ARHGAP21: variants seen among roughly 807,000 people sequenced by gnomAD.
ARHGAP21 encodes the protein Rho GTPase activating protein 21.
Under a neutral mutation model 164.6 loss-of-function variants are expected in ARHGAP21, and 38 were observed. The ratio of observed to expected loss-of-function variants is 0.23; its 90% CI spans 0.18 to 0.30. The LOEUF (loss-of-function observed/expected upper bound fraction) is 0.30. Ranked by LOEUF, ARHGAP21 falls within the 10% of genes least tolerant of loss-of-function variation. The probability of loss-of-function intolerance (pLI) is 1.00; values close to 1 mark genes in which losing one functional copy is unlikely to be tolerated. For synonymous variants in ARHGAP21, 766 were observed against 857.9 expected, an observed-to-expected ratio of 0.89 and a Z score of 1.87; for missense variants, 1,822 against 2,370.7, an observed-to-expected ratio of 0.77 and a Z score of 4.81.
chr10:24,587,201 C>CT (rs1421129887), intron 25 of ARHGAP21, among the ~76,000 whole-genome samples: 1 of 152,068 alleles, frequency 6.6e-6, no homozygotes, highest in African/African-American at 2.4e-5. Context: ...CCAGGCTGGT[C>CT]TAGAAGCCTT....
In ARHGAP21 at chr10:24,585,609, C is replaced by T. The variant is rs2076070724; in HGVS notation, c.4680G>A (p.Arg1560=). The change falls in exon 26 of 26, where the codon AGG becomes AGA. Residue 1560 remains arginine (R), a synonymous_variant. Transcript: ENST00000396432. The stretch of plus-strand genomic sequence containing the variant: ...GACTGGTTGATTTCTTCATGGAAAA[C>T]CTTGCCAGGGAGGCCTGGGAAGACG... ...LSTSSQASLA[R]FSMKKSTSPE... is the part of the protein sequence containing the mutation. 1 of 1,614,034 alleles carries T rather than the reference C, an allele frequency of 6.2e-7. No individual in the cohort carries two copies. Among genetic ancestry groups the T allele is most frequent in the Non-Finnish European group, 8.5e-7 (1 of 1,180,052 alleles).
chr10:24,625,871 G>A (rs1334401045), intron 7 of ARHGAP21, among the ~76,000 whole-genome samples: 3 of 152,308 alleles, frequency 2.0e-5, no homozygotes, highest in African/African-American at 4.8e-5. Context: ...AGAGGTTCAC[G>A]TTGTAATAAC....
intron 17 of ARHGAP21, chr10:24,596,298 G>A: frequency 2.3e-6 from 1 of 442,486 alleles, no homozygotes; most frequent in Non-Finnish European, 3.9e-6. Flanking sequence ...AGTAACAACA[G>A]GTAAAGAGAA....
intron 4 of ARHGAP21, chr10:24,640,021 A>G (rs1836827414): frequency 2.6e-5 from 4 of 152,132 alleles, no homozygotes. Flanking sequence ...TCACAGAGAA[A>G]CAGATCATGA....
chr10:24,677,463 C>T (rs1304702287), intron 2 of ARHGAP21, among the ~76,000 whole-genome samples: 1 of 152,142 alleles, frequency 6.6e-6, no homozygotes, highest in Admixed American at 6.5e-5. Flanking sequence ...GAACTGCTAA[C>T]TTTTTCCTCC....
At chr10:24,698,411 C>T (rs746938205) in intron 2 of ARHGAP21, among the ~76,000 whole-genome samples, 11 of 152,144 alleles carry the variant, frequency 7.2e-5, no homozygotes, top group Non-Finnish European at 1.2e-4. Context: ...CTTGCCTCTA[C>T]TCTCAAGCAA....
intron 9 of ARHGAP21, 40 bp downstream of exon 9, chr10:24,619,433 T>C (rs753935271): frequency 4.5e-5 from 69 of 1,542,792 alleles, no homozygotes; most frequent in Non-Finnish European, 5.7e-5. Context: ...AGATTTCTTA[T>C]ACATTTGGCA....
chr10:24,641,008 G>A (rs2131426627), intron 4 of ARHGAP21, among the ~76,000 whole-genome samples: 1 of 152,116 alleles, frequency 6.6e-6, no homozygotes, highest in Admixed American at 6.6e-5. Flanking sequence ...GTTATGAGGG[G>A]GTGGAGGTGA....
chr10:24,642,831 G>A (rs1486787129), intron 4 of ARHGAP21, among the ~76,000 whole-genome samples: 3 of 152,152 alleles, frequency 2.0e-5, no homozygotes, highest in Non-Finnish European at 2.9e-5. Context: ...ATATACGCAC[G>A]AGAATATACA....
intron 2 of ARHGAP21, among the ~76,000 whole-genome samples, chr10:24,696,455 G>T (rs1351190955): frequency 2.0e-5 from 3 of 152,186 alleles, no homozygotes; most frequent in African/African-American, 7.2e-5. Flanking sequence ...CAATGAGTGG[G>T]AAAAACCTCA....
At chr10:24,639,482 C>T (rs1425067824) in intron 4 of ARHGAP21, among the ~76,000 whole-genome samples, 1 of 151,932 alleles carries the variant, frequency 6.6e-6, no homozygotes, top group Non-Finnish European at 1.5e-5. Flanking sequence ...TTATGATAGA[C>T]CTGATTATAA....
intron 2 of ARHGAP21, among the ~76,000 whole-genome samples, chr10:24,704,014 T>A (rs560760607): frequency 1.3e-5 from 2 of 152,190 alleles, no homozygotes; most frequent in African/African-American, 2.4e-5. Context: ...AAATTCAAAT[T>A]TTCAGCTTCT....
chr10:24,691,855 T>C (rs1204111027), intron 2 of ARHGAP21, among the ~76,000 whole-genome samples: 1 of 152,200 alleles, frequency 6.6e-6, no homozygotes, highest in Non-Finnish European at 1.5e-5. Context: ...GGGCAAACTG[T>C]TATGATTTTT....
At chr10:24,680,234 A>C (rs1427534411) in intron 2 of ARHGAP21, among the ~76,000 whole-genome samples, 1 of 151,970 alleles carries the variant, frequency 6.6e-6, no homozygotes, top group African/African-American at 2.4e-5. Context: ...TTTATTTCAT[A>C]ATCTACATAT....
At chr10:24,699,893 A>G (rs926458778) in intron 2 of ARHGAP21, among the ~76,000 whole-genome samples, 6 of 152,172 alleles carry the variant, frequency 3.9e-5, no homozygotes, top group Admixed American at 3.3e-4. Flanking sequence ...AATATTACCT[A>G]TTCTTCATCA....
intron 2 of ARHGAP21, among the ~76,000 whole-genome samples, chr10:24,690,055 T>C (rs1486209909): frequency 6.6e-6 from 1 of 151,942 alleles, no homozygotes; most frequent in Non-Finnish European, 1.5e-5. Context: ...TCTTTCCATA[T>C]CAATTACATA....
At chr10:24,589,172 C>T (rs1170994243) in intron 25 of ARHGAP21, 99 bp downstream of exon 25, 4 of 1,011,110 alleles carry the variant, frequency 4.0e-6, no homozygotes, top group Non-Finnish European at 6.2e-6. Context: ...TGCTCTGTCT[C>T]ATTAGACATA....
intron 2 of ARHGAP21, among the ~76,000 whole-genome samples, chr10:24,695,543 T>A: frequency 6.7e-6 from 1 of 149,368 alleles, no homozygotes; most frequent in East Asian, 2.0e-4. Flanking sequence ...CATTCCAGCC[T>A]GGGTGATGGA....
chr10:24,625,738 C>A (rs192977892), intron 7 of ARHGAP21, among the ~76,000 whole-genome samples: 5 of 152,242 alleles, frequency 3.3e-5, no homozygotes, highest in Admixed American at 2.0e-4. Flanking sequence ...GATAATAGAA[C>A]ACATGAAATG....
Sources: gnomAD v4.1 joint callset for allele counts (sites outside exome capture counted in the v4.1 genomes callset) on GRCh38, gnomAD v4.1.1 for gene constraint, MANE v1.5 for transcripts, NCBI Gene and HGNC (gene_info 2026-07-23, HGNC 2026-07-21) for gene names.